Variants in AGPAT3 observed in about 807,000 individuals in gnomAD.
AGPAT3 encodes 1-acyl-sn-glycerol-3-phosphate acyltransferase gamma.
In AGPAT3, 5 loss-of-function variants were observed where a neutral mutation model predicts 47.3. The observed-to-expected ratio is 0.11, with a 90% CI of 0.06 to 0.22. AGPAT3 has a LOEUF of 0.22. Among genes scored for constraint, AGPAT3 ranks in the 10% least tolerant of loss-of-function variants. AGPAT3 has a pLI of 1.00. For missense variants in AGPAT3, 315 were observed against 493.0 expected, an observed-to-expected ratio of 0.64 and a Z score of 3.42; for synonymous variants, 212 against 208.3, an observed-to-expected ratio of 1.02 and a Z score of -0.15.
intron 2 of AGPAT3, among the ~76,000 whole-genome samples, chr21:43,907,194 G>A (rs565696998): frequency 2.0e-5 from 3 of 151,894 alleles, no homozygotes; most frequent in South Asian, 2.1e-4. Flanking sequence ...CACCACACGC[G>A]GCTTTTTTAT....
intron 1 of AGPAT3, among the ~76,000 whole-genome samples, chr21:43,901,342 GAA>G (rs1409705053): frequency 2.1e-5 from 3 of 145,974 alleles, no homozygotes; most frequent in Non-Finnish European, 3.0e-5. Flanking sequence ...AAAAAAAAGA[GAA>G]GAGAAAAGAG....
intron 3 of AGPAT3, among the ~76,000 whole-genome samples, chr21:43,961,564 G>C (rs1452850057): frequency 7.2e-6 from 1 of 139,186 alleles, no homozygotes; most frequent in African/African-American, 2.9e-5. Flanking sequence ...GGAAAACAGT[G>C]AGCGCGTAGA....
chr21:43,962,482 G>T (rs993043449), intron 3 of AGPAT3, among the ~76,000 whole-genome samples: 1 of 152,162 alleles, frequency 6.6e-6, no homozygotes, highest in African/African-American at 2.4e-5. Context: ...CTACTTTCTA[G>T]CAGTATTCTG....
At chr21:43,881,860 T>C (rs1036439397) in intron 1 of AGPAT3, among the ~76,000 whole-genome samples, 4 of 152,240 alleles carry the variant, frequency 2.6e-5, no homozygotes, top group Non-Finnish European at 5.9e-5. Context: ...TTTCATCATA[T>C]TGGTCAGGCT....
chr21:43,909,028 A>T (rs2086567943), intron 2 of AGPAT3, among the ~76,000 whole-genome samples: 1 of 152,212 alleles, frequency 6.6e-6, no homozygotes, highest in African/African-American at 2.4e-5. Flanking sequence ...GGCGGGCCTC[A>T]CCTGAATAGG....
chr21:43,963,874 A>G (rs927342787), intron 3 of AGPAT3, among the ~76,000 whole-genome samples: 4 of 152,042 alleles, frequency 2.6e-5, no homozygotes, highest in African/African-American at 9.7e-5. Flanking sequence ...AAAATCACCA[A>G]CCTAGCACCC....
intron 7 of AGPAT3, among the ~76,000 whole-genome samples, chr21:43,973,617 C>T (rs988916847): frequency 1.6e-4 from 25 of 152,350 alleles, no homozygotes; most frequent in Admixed American, 5.2e-4. Flanking sequence ...TTATTTTGCC[C>T]GATCATATTT....
intron 1 of AGPAT3, among the ~76,000 whole-genome samples, chr21:43,879,515 C>T (rs542694628): frequency 6.6e-5 from 10 of 152,074 alleles, no homozygotes; most frequent in South Asian, 2.1e-4. Context: ...TGGTCTTTCT[C>T]GGTGGGAAGT....
chr21:43,986,649 G>T lies in AGPAT3; in HGVS notation c.*4257G>T, dbSNP rs1409182872. On this transcript the variant is annotated 3_prime_UTR_variant, in exon 10 of 10. Coordinates refer to ENST00000291572, the MANE Select transcript of AGPAT3 (RefSeq NM_020132.5). ...AACTGGCCTTTTAATCAGCAAGATC[G>T]CCAGCAAGTACTGTAACTGTAAAGG... is the stretch of plus-strand genomic sequence containing the variant. The T allele has an allele frequency of 2.6e-5, 4 of 152,512 alleles. No individual in the cohort carries two copies. The highest frequency in any genetic ancestry group is 6.5e-5 in the Admixed American group (1 of 15,278). 9.4% of individuals were successfully genotyped at this position (152,512 alleles called of 1,614,324 possible).
intron 2 of AGPAT3, among the ~76,000 whole-genome samples, chr21:43,915,906 A>G (rs2086717943): frequency 6.6e-6 from 1 of 152,164 alleles, no homozygotes; most frequent in Non-Finnish European, 1.5e-5. Flanking sequence ...TTTCATTTCT[A>G]AAGATGTAAA....
At chr21:43,912,159 G>A (rs1447852849) in intron 2 of AGPAT3, among the ~76,000 whole-genome samples, 1 of 152,260 alleles carries the variant, frequency 6.6e-6, no homozygotes, top group African/African-American at 2.4e-5. Context: ...ATCAGGAGGT[G>A]TGTCCATGGC....
At chr21:43,897,111 G>A (rs1248165873) in intron 1 of AGPAT3, among the ~76,000 whole-genome samples, 2 of 151,910 alleles carry the variant, frequency 1.3e-5, no homozygotes, top group African/African-American at 2.4e-5. Flanking sequence ...GCGGCCTTCC[G>A]CAGTGTTTGT....
intron 1 of AGPAT3, among the ~76,000 whole-genome samples, chr21:43,887,778 C>T (rs544023670): frequency 2.6e-5 from 4 of 152,306 alleles, no homozygotes; most frequent in African/African-American, 9.6e-5. Flanking sequence ...CCTCAGCCTC[C>T]CAAGTAGCTG....
chr21:43,938,102 TCTCACA>T lies in AGPAT3; in HGVS notation c.-48-21530_-48-21525del, dbSNP rs201474649. On this transcript the variant is annotated intron_variant, in intron 2 of 9. Transcript: ENST00000291572. ...CCCCCACTTTCTCTCTCTCTCTCTC[TCTCACA>T]CACACACAGACACACACACACACAC... Among the ~76,000 whole-genome samples, 4 of 142,574 alleles carry T rather than the reference TCTCACA, an allele frequency of 2.8e-5. No homozygotes were observed. In the East Asian group the frequency reaches 6.1e-4, roughly 22 times the overall value. 93.5% of individuals were successfully genotyped at this position (142,574 alleles called of 152,430 possible). A position where few individuals can be genotyped will look rare whatever the true frequency, so the allele number is the denominator to read the frequency against.
intron 3 of AGPAT3, chr21:43,966,186 C>T (rs1326700116): frequency 1.3e-5 from 2 of 152,270 alleles, no homozygotes; most frequent in African/African-American, 4.8e-5. Context: ...CCTGGGCTTG[C>T]CACAGGTGAC....
rs561249697 is a variant in AGPAT3, at chr21:43,880,883, A to C, written c.-112+15538A>C. Among the ~76,000 whole-genome samples, 2 of 152,166 alleles carry C rather than the reference A, an allele frequency of 1.3e-5. No individual in the cohort carries two copies. The highest frequency in any genetic ancestry group is 4.8e-5 in the African/African-American group (2 of 41,424). On this transcript the variant is annotated intron_variant, in intron 1 of 9. Transcript: ENST00000291572. The surrounding 1 kb of genome is among the most constrained non-coding windows in gnomAD (Gnocchi z 4.5). ...TGAATTGGACACGTGACAGGTGGCA[A>C]TATGTTAACTGTTCGTAGCAAGGAA...
chr21:43,976,079 T>A lies in AGPAT3; in HGVS notation c.768-1967T>A, dbSNP rs149993622. Among the ~76,000 whole-genome samples, 826 of 152,194 alleles carry A rather than the reference T, an allele frequency of 5.4e-3. 17 individuals are homozygous for A. The highest frequency in any genetic ancestry group is 0.027 in the Admixed American group (418 of 15,280). On this transcript the variant is annotated intron_variant, in intron 7 of 9. Transcript: ENST00000291572. ...TTTATAGAAAATGATTTTTATTTTT[T>A]TTTTTTGAGACGGAGTCTCGCTCTG...
intron 3 of AGPAT3, chr21:43,965,253 C>G (rs17004509): frequency 6.6e-6 from 1 of 152,146 alleles, no homozygotes; most frequent in Non-Finnish European, 1.5e-5. Context: ...GACCCTGAAC[C>G]ACGGTTTTAT....
Position 43,970,795 on chromosome 21 carries a change from T to A in AGPAT3, c.653T>A (p.Leu218His). ...TKGFTTAVKC[L>H]RGTVAAVYDV... ...GGCTTCACCACCGCAGTCAAGTGCC[T>A]CCGGGGGACAGGTAGGCCCCAGACT... The change falls in exon 6 of 10, where the codon CTC becomes CAC. Residue 218 changes from leucine to histidine, a missense_variant. Physicochemically the swap from Leu to His is moderately conservative, Grantham distance 99. Transcript: ENST00000291572. The surrounding 1 kb of genome is among the most constrained non-coding windows in gnomAD (Gnocchi z 5.8). 6.3e-7 allele frequency: 1 copy of A among 1,581,466 alleles called. No homozygotes were observed. The highest frequency in any genetic ancestry group is 8.6e-7 in the Non-Finnish European group (1 of 1,158,260).
Sources: allele counts gnomAD v4.1 joint callset (sites outside exome capture counted in the v4.1 genomes callset), GRCh38; gene constraint gnomAD v4.1.1; non-coding constraint Gnocchi (gnomAD v3.1); transcripts MANE v1.5; gene names NCBI Gene and HGNC (gene_info 2026-07-23, HGNC 2026-07-21).